Variants in SLC29A4 observed in about 807,000 individuals in gnomAD.
The protein encoded by SLC29A4 is solute carrier family 29 member 4, also known as equilibrative nucleoside transporter 4.
Under a neutral mutation model 43.9 loss-of-function variants are expected in SLC29A4, and 36 were observed. The observed-to-expected ratio is 0.82, with a 90% CI of 0.63 to 1.08. The LOEUF (loss-of-function observed/expected upper bound fraction) is 1.08. SLC29A4 is among the 50% of genes least tolerant of loss of function. The probability of loss-of-function intolerance (pLI) is 0.00; values close to 1 mark genes in which losing one functional copy is unlikely to be tolerated. For missense variants in SLC29A4, 869 were observed against 755.3 expected, an observed-to-expected ratio of 1.15 and a Z score of -1.77; for synonymous variants, 491 against 338.0, an observed-to-expected ratio of 1.45 and a Z score of -4.97.
chr7:5,294,992 C>G, intron 6 of SLC29A4, 58 bp downstream of exon 6: 2 of 1,493,672 alleles, frequency 1.3e-6, no homozygotes, highest in Non-Finnish European at 1.8e-6. Context: ...GCTCTGGAAG[C>G]TTCTTCCCAG....
intron 10 of SLC29A4, among the ~76,000 whole-genome samples, chr7:5,302,505 T>C (rs1786237478): frequency 6.6e-6 from 1 of 152,174 alleles, no homozygotes; most frequent in Admixed American, 6.5e-5. Context: ...GTTGTACCAC[T>C]GCACTCCGGT....
At chr7:5,296,577 T>G (rs55693146) in intron 6 of SLC29A4, among the ~76,000 whole-genome samples, 1 of 15,940 alleles carries the variant, frequency 6.3e-5, no homozygotes, top group Non-Finnish European at 1.1e-4. Context: ...CTGGGTGGGG[T>G]CAAGCTGAGT....
rs576109479 is a variant in SLC29A4 at position 5,290,314 on chromosome 7, TG to T, written c.170-416del. On this transcript the variant is annotated intron_variant, in intron 2 of 10. Coordinates refer to ENST00000396872, the MANE Select transcript of SLC29A4 (RefSeq NM_153247.4). Reference sequence around the variant, plus strand: ...TCCTGACCTCGTGATCCGCCCGTCTTGGCCTCCCAAAGTGCTGGGATTACAG... The same window carrying T: ...TCCTGACCTCGTGATCCGCCCGTCTTGCCTCCCAAAGTGCTGGGATTACAG... 6.7e-3 allele frequency among the ~76,000 whole-genome samples: 1,016 copies of T among 152,296 alleles called. 10 individuals carry two copies. Among genetic ancestry groups the T allele is most frequent in the African/African-American group, 0.024 (979 of 41,560 alleles).
rs950683696 is a variant in SLC29A4, at chr7:5,303,168, G to C, written c.*229G>C. ...GACCCGGGGCTCTGGCCAGCACTGTGTTCTGCGTTTGGTCTCATACCTGCG... is the reference window on the plus strand; with the variant it reads ...GACCCGGGGCTCTGGCCAGCACTGTCTTCTGCGTTTGGTCTCATACCTGCG... On this transcript the variant is annotated 3_prime_UTR_variant, in exon 11 of 11. Transcript: ENST00000396872. 1.7e-6 allele frequency: 1 copy of C among 601,670 alleles called. No homozygotes were observed. The highest frequency in any genetic ancestry group is 2.9e-6 in the Non-Finnish European group (1 of 343,340). The allele number at this position is 601,670 out of a possible 1,614,324, so 37.3% of individuals were successfully genotyped here.
In SLC29A4 at chr7:5,302,917, G is replaced by T. The variant is rs142220610; in HGVS notation, c.1571G>T (p.Gly524Val). 1 of 1,608,154 alleles carries T rather than the reference G, an allele frequency of 6.2e-7. No homozygotes were observed. The highest frequency in any genetic ancestry group is 8.5e-7 in the Non-Finnish European group (1 of 1,178,190). Residue 524 changes from glycine (G) to valine (V), a missense_variant, in exon 11 of 11, where the codon GGT becomes GTT. Physicochemically the swap from Gly to Val is moderately radical, Grantham distance 109. Coordinates refer to ENST00000396872, the MANE Select transcript of SLC29A4 (RefSeq NM_153247.4). ...TGCCTGCACGCCTCCACCGCCAATG[G>T]TTCCATCCTCGCAGGCCTCTGAGCC... ...GSCLHASTAN[G>V]SILAGL
rs527538972 is a variant in SLC29A4 at position 5,297,124 on chromosome 7, C to T, written c.808C>T (p.Arg270Trp). 1.2e-5 allele frequency: 19 copies of T among 1,606,362 alleles called. No individual in the cohort carries two copies. The East Asian group carries it at 1.3e-4, about 11-fold the overall frequency. Reference sequence around the variant, plus strand: ...TACCACACGGCCGCGTGACAGCCACCGGGGCAGGCCAGGCCTGGGCAGGGG... The same window carrying T: ...TACCACACGGCCGCGTGACAGCCACTGGGGCAGGCCAGGCCTGGGCAGGGG... ...FYTTRPRDSH[R>W]GRPGLGRGYG... Residue 270 changes from arginine (R) to tryptophan (W), a missense_variant, in exon 7 of 11, where the codon CGG becomes TGG. By Grantham distance (101) the Arg-to-Trp change is moderately radical. Transcript: ENST00000396872.
chr7:5,284,797 C>G (rs1784855373), intron 1 of SLC29A4, among the ~76,000 whole-genome samples: 1 of 152,204 alleles, frequency 6.6e-6, no homozygotes, highest in Admixed American at 6.5e-5. Flanking sequence ...ACTTTGCCGA[C>G]TAAGCCAGAG....
intron 7 of SLC29A4, among the ~76,000 whole-genome samples, chr7:5,298,223 G>A (rs1014716384): frequency 6.6e-6 from 1 of 152,176 alleles, no homozygotes; most frequent in African/African-American, 2.4e-5. Flanking sequence ...CCAGAGAGGG[G>A]CCCAGGATGG....
At chr7:5,283,617 C>T (rs963229931) in intron 1 of SLC29A4, among the ~76,000 whole-genome samples, 2 of 152,154 alleles carry the variant, frequency 1.3e-5, no homozygotes, top group African/African-American at 2.4e-5. Context: ...GGGGGCCAGC[C>T]TGTGGCCCCT....
At chr7:5,289,344 C>T (rs1029975460) in intron 2 of SLC29A4, among the ~76,000 whole-genome samples, 2 of 152,074 alleles carry the variant, frequency 1.3e-5, no homozygotes, top group African/African-American at 2.4e-5. Context: ...TCGTAGTGAG[C>T]CAAGGTCATG....
At chr7:5,287,667 G>A in intron 1 of SLC29A4, 142 bp from the exon 2 acceptor site, 1 of 779,778 alleles carries the variant, frequency 1.3e-6, no homozygotes, top group South Asian at 2.0e-5. Context: ...CTCCTTTGCA[G>A]TGAGGCATAG....
rs111894063 is a variant in SLC29A4, at chr7:5,302,310, T to G, written c.1451-487T>G. Among the ~76,000 whole-genome samples the G allele has an allele frequency of 3.2e-3, 488 of 152,196 alleles. 7 individuals carry two copies. The highest frequency in any genetic ancestry group is 0.011 in the African/African-American group (460 of 41,502). On this transcript the variant is annotated intron_variant, in intron 10 of 10. Coordinates refer to ENST00000396872, the MANE Select transcript of SLC29A4 (RefSeq NM_153247.4). ...AGGCTCACTGGCTCAGGACGGTGTT[T>G]TGGGAGGCCAAGGTAGGACTATCAC...
intron 10 of SLC29A4, 150 bp downstream of exon 10, chr7:5,300,812 A>AT: frequency 3.7e-6 from 4 of 1,095,442 alleles, no homozygotes; most frequent in Non-Finnish European, 5.0e-6. Flanking sequence ...GTGTGGGGAC[A>AT]TTCTCAGCCA....
chr7:5,286,329 C>A (rs537796916), intron 1 of SLC29A4, among the ~76,000 whole-genome samples: 2 of 152,028 alleles, frequency 1.3e-5, no homozygotes, highest in African/African-American at 4.8e-5. Flanking sequence ...TCGAGACCAT[C>A]CTGGCCAACA....
Position 5,302,786 on chromosome 7 carries a change from G to A in SLC29A4, c.1451-11G>A. The A allele has an allele frequency of 6.4e-7, 1 of 1,550,846 alleles. No individual in the cohort carries two copies. The highest frequency in any genetic ancestry group is 8.7e-7 in the Non-Finnish European group (1 of 1,146,838). On this transcript the variant is annotated splice_polypyrimidine_tract_variant and intron_variant, in intron 10 of 10. Coordinates refer to ENST00000396872, the MANE Select transcript of SLC29A4 (RefSeq NM_153247.4). The stretch of plus-strand genomic sequence containing the variant: ...CTGGCCCTGCTCCCCTCAGGCTGGT[G>A]TTGTCCACAGGGAACACCATGACCG...
At chr7:5,290,906 A>G (rs1357297798) in intron 3 of SLC29A4, 43 bp downstream of exon 3, 2 of 1,578,312 alleles carry the variant, frequency 1.3e-6, no homozygotes, top group Non-Finnish European at 1.7e-6. Context: ...AGCATCCTCC[A>G]TCATGGCCTG....
Position 5,299,077 on chromosome 7 carries a change from C to T in SLC29A4, c.972C>T (p.Arg324=), listed in dbSNP as rs754983115. The T allele has an allele frequency of 1.9e-6, 3 of 1,611,070 alleles. No individual in the cohort carries two copies. Among genetic ancestry groups the T allele is most frequent in the South Asian group, 1.1e-5 (1 of 90,972 alleles). ...EVTGSGGAYM[R]FDVPRPRVQR... Reference sequence around the variant, plus strand: ...CCGGCAGCGGCGGGGCCTACATGCGCTTTGATGTGCCGCGGCCAAGGGTCC... The same window carrying T: ...CCGGCAGCGGCGGGGCCTACATGCGTTTTGATGTGCCGCGGCCAAGGGTCC... The change falls in exon 8 of 11, where the codon CGC becomes CGT. Residue 324 remains arginine, a synonymous_variant. Coordinates refer to ENST00000396872, the MANE Select transcript of SLC29A4 (RefSeq NM_153247.4).
chr7:5,297,478 A>G (rs1284908313), intron 7 of SLC29A4, among the ~76,000 whole-genome samples: 2 of 152,188 alleles, frequency 1.3e-5, no homozygotes, highest in African/African-American at 2.4e-5. Flanking sequence ...TGGGGCGTGC[A>G]TGGCCCCTGT....
rs58758343 is a variant in SLC29A4, at chr7:5,293,162, CTTTTTTTTTTT to C, written c.544+1351_544+1361del. ...GCTTTGTAGACTTTCTTTTTTTTCT[CTTTTTTTTTTT>C]TTTTTTTTTGAGATGGAGTCTTTCT... On this transcript the variant is annotated intron_variant, in intron 5 of 10. Transcript: ENST00000396872. Among the ~76,000 whole-genome samples the C allele has an allele frequency of 5.1e-5, 6 of 117,278 alleles. 1 individual carries two copies. Among genetic ancestry groups the C allele is most frequent in the Admixed American group, 1.8e-4 (2 of 11,296 alleles). 76.9% of individuals were successfully genotyped at this position (117,278 alleles called of 152,430 possible).
Sources: gnomAD v4.1 joint callset for allele counts (sites outside exome capture counted in the v4.1 genomes callset) on GRCh38, gnomAD v4.1.1 for gene constraint, MANE v1.5 for transcripts, NCBI Gene and HGNC (gene_info 2026-07-23, HGNC 2026-07-21) for gene names.